LCA5: variants seen among roughly 807,000 people sequenced by gnomAD.
LCA5 encodes lebercilin LCA5, also known as lebercilin.
In LCA5, 37 loss-of-function variants were observed where a neutral mutation model predicts 53.0. The ratio of observed to expected loss-of-function variants is 0.70; its 90% confidence interval spans 0.54 to 0.92. The LOEUF is 0.92. Ranked by LOEUF, LCA5 falls within the 40% of genes least tolerant of loss-of-function variation. The pLI is 0.00. For synonymous variants in LCA5, 303 were observed against 282.9 expected, an observed-to-expected ratio of 1.07 and a Z score of -0.71; for missense variants, 806 against 790.5, an observed-to-expected ratio of 1.02 and a Z score of -0.23.
intron 3 of LCA5, among the ~76,000 whole-genome samples, chr6:79,507,913 T>G (rs1245965465): frequency 6.6e-6 from 1 of 152,172 alleles, no homozygotes; most frequent in Non-Finnish European, 1.5e-5. Flanking sequence ...TCAGTAAACC[T>G]TATGTCTCAT....
intron 1 of LCA5, among the ~76,000 whole-genome samples, chr6:79,526,959 C>T (rs1766809841): frequency 6.6e-6 from 1 of 152,160 alleles, no homozygotes; most frequent in Non-Finnish European, 1.5e-5. Flanking sequence ...ATATCCTCCA[C>T]CCTGTCACCC....
At chr6:79,512,275 A>AT in intron 3 of LCA5, among the ~76,000 whole-genome samples, 1 of 152,180 alleles carries the variant, frequency 6.6e-6, no homozygotes, top group Non-Finnish European at 1.5e-5. Flanking sequence ...ACATAATAGG[A>AT]TATCTTCTGT....
rs762763284 is a variant in LCA5, at chr6:79,492,598, G to A, written c.908C>T (p.Pro303Leu). The A allele has an allele frequency of 9.5e-6, 15 of 1,570,746 alleles. No individual in the cohort carries two copies. The African/African-American group carries it at 1.9e-4, about 20-fold the overall frequency. Reference sequence around the variant, plus strand: ...TTTCTCTTTATTTGGAGAGGACTTTGGCAGACGATTAGAATATATATTTTT... The same window carrying A: ...TTTCTCTTTATTTGGAGAGGACTTTAGCAGACGATTAGAATATATATTTTT... Reference protein sequence around the residue: ...DIKNIYSNRLPKSSPNKEKEL... With the variant: ...DIKNIYSNRLLKSSPNKEKEL... The change falls in exon 5 of 8, where the codon CCA becomes CTA. Residue 303 changes from proline to leucine, a missense_variant. Pro to Leu is a moderately conservative substitution (Grantham distance 98, BLOSUM62 -3). Transcript: ENST00000369846.
intron 7 of LCA5, chr6:79,488,083 T>C: frequency 2.0e-6 from 1 of 508,454 alleles, no homozygotes; most frequent in Non-Finnish European, 3.4e-6. Flanking sequence ...TATAAAAAAA[T>C]TTGTTCTTTG....
chr6:79,533,778 T>C (rs970493328), intron 1 of LCA5, among the ~76,000 whole-genome samples: 4 of 151,830 alleles, frequency 2.6e-5, no homozygotes, highest in African/African-American at 9.7e-5. Context: ...CGTCTGACTC[T>C]AAGAAACCAT....
Position 79,485,264 on chromosome 6 carries a change from A to T in LCA5, c.*1740T>A, listed in dbSNP as rs529020171. The T allele has an allele frequency of 6.6e-6, 1 of 152,582 alleles. No homozygotes were observed. The highest frequency in any genetic ancestry group is 1.5e-5 in the Non-Finnish European group (1 of 67,984). The allele number at this position is 152,582 out of a possible 1,614,324, so 9.5% of individuals were successfully genotyped here. A position where few individuals can be genotyped will look rare whatever the true frequency, so the allele number is the denominator to read the frequency against. ...CTAATTTAAATGACGTGAATAAAAA[A>T]CTTAACTAAAAAGTTTTAAAAGCCT... On this transcript the variant is annotated 3_prime_UTR_variant, in exon 8 of 8. Transcript: ENST00000369846.
chr6:79,491,756 A>C, intron 5 of LCA5, 26 bp from the exon 6 acceptor site: 1 of 1,602,220 alleles, frequency 6.2e-7, no homozygotes, highest in Non-Finnish European at 8.5e-7. Flanking sequence ...TTTTTAAAAA[A>C]TTATTACAAT....
intron 1 of LCA5, among the ~76,000 whole-genome samples, chr6:79,529,609 A>C: frequency 6.6e-6 from 1 of 152,250 alleles, no homozygotes; most frequent in South Asian, 2.1e-4. Context: ...GGAAGATGGT[A>C]ACCCCGCAGA....
intron 1 of LCA5, among the ~76,000 whole-genome samples, chr6:79,535,423 A>G (rs1050141129): frequency 2.0e-5 from 3 of 152,226 alleles, no homozygotes; most frequent in Non-Finnish European, 2.9e-5. Flanking sequence ...TGAAAGTAGT[A>G]TAACTAGAGA....
At chr6:79,502,641 CAGA>C (rs1427330776) in intron 3 of LCA5, among the ~76,000 whole-genome samples, 4 of 152,024 alleles carry the variant, frequency 2.6e-5, no homozygotes, top group Non-Finnish European at 5.9e-5. Context: ...ATCATTTTAT[CAGA>C]AGATGCTGAT....
rs1769662658 is a variant in LCA5, at chr6:79,486,607, C to T, written c.*397G>A. 5.6e-6 allele frequency: 1 copy of T among 177,944 alleles called. No homozygotes were observed. The highest frequency in any genetic ancestry group is 1.3e-4 in the South Asian group (1 of 7,698). 11.0% of individuals were successfully genotyped at this position (177,944 alleles called of 1,614,324 possible). A position where few individuals can be genotyped will look rare whatever the true frequency, so the allele number is the denominator to read the frequency against. On this transcript the variant is annotated 3_prime_UTR_variant, in exon 8 of 8. Transcript: ENST00000369846. ...CTACACTTCCCAACACAGACTTTCACCCTTAATTTTCATTCAACAATTAGT... is the reference window on the plus strand; with the variant it reads ...CTACACTTCCCAACACAGACTTTCATCCTTAATTTTCATTCAACAATTAGT...
At chr6:79,502,872 TTTTTG>T (rs945949889) in intron 3 of LCA5, among the ~76,000 whole-genome samples, 28 of 152,072 alleles carry the variant, frequency 1.8e-4, no homozygotes, top group African/African-American at 5.5e-4. Context: ...ATATGATTCT[TTTTTG>T]TTTTGTTTTG....
chr6:79,515,453 T>A (rs1766399361), intron 2 of LCA5, among the ~76,000 whole-genome samples: 1 of 152,162 alleles, frequency 6.6e-6, no homozygotes. Flanking sequence ...GAATACATTT[T>A]AAATCACAAC....
chr6:79,508,971 TG>T (rs1228205887), intron 3 of LCA5, among the ~76,000 whole-genome samples: 6 of 152,146 alleles, frequency 3.9e-5, no homozygotes, highest in Admixed American at 2.0e-4. Context: ...GATTGACTGA[TG>T]AGATCATGAA....
chr6:79,505,757 G>A (rs561749927), intron 3 of LCA5, among the ~76,000 whole-genome samples: 67 of 152,168 alleles, frequency 4.4e-4, no homozygotes, highest in Admixed American at 4.2e-3. Context: ...AGGGTGAAAG[G>A]GCAGAAAAAC....
chr6:79,512,069 TTC>T (rs1362060159), intron 3 of LCA5, among the ~76,000 whole-genome samples: 1 of 152,180 alleles, frequency 6.6e-6, no homozygotes, highest in Non-Finnish European at 1.5e-5. Context: ...TTAATTAGCA[TTC>T]TGTGCGCTTC....
chr6:79,513,595 T>C lies in LCA5; in HGVS notation c.337A>G (p.Asn113Asp). 2 of 1,613,988 alleles carry C rather than the reference T, an allele frequency of 1.2e-6. No homozygotes were observed. Among genetic ancestry groups the C allele is most frequent in the Non-Finnish European group, 1.7e-6 (2 of 1,179,900 alleles). Residue 113 changes from asparagine (N) to aspartate (D), a missense_variant, in exon 3 of 8, where the codon AAT becomes GAT. Coordinates refer to ENST00000369846, the MANE Select transcript of LCA5 (RefSeq NM_001122769.3). ...RILSARLLKI[N>D]ELQNEVSELQ... ...TCAGATACTTCATTCTGCAACTCAT[T>C]GATTTTTAGCAGTCTTGCAGACAGA... is the stretch of plus-strand genomic sequence containing the variant.
intron 3 of LCA5, among the ~76,000 whole-genome samples, chr6:79,495,380 G>C (rs1301842235): frequency 6.6e-6 from 1 of 152,136 alleles, no homozygotes; most frequent in Non-Finnish European, 1.5e-5. Flanking sequence ...GTCTGTAGGG[G>C]ATTGGTTCCA....
Position 79,486,626 on chromosome 6 carries a change from A to T in LCA5, c.*378T>A, listed in dbSNP as rs1769663552. Reference sequence around the variant, plus strand: ...CTTTCACCCTTAATTTTCATTCAACAATTAGTGGGAAGACTGTATTTAGCA... The same window carrying T: ...CTTTCACCCTTAATTTTCATTCAACTATTAGTGGGAAGACTGTATTTAGCA... On this transcript the variant is annotated 3_prime_UTR_variant, in exon 8 of 8. Coordinates refer to ENST00000369846, the MANE Select transcript of LCA5 (RefSeq NM_001122769.3). 1 of 177,076 alleles carries T rather than the reference A, an allele frequency of 5.6e-6. No individual in the cohort carries two copies. The highest frequency in any genetic ancestry group is 2.4e-5 in the African/African-American group (1 of 41,618). 11.0% of individuals were successfully genotyped at this position (177,076 alleles called of 1,614,324 possible). A position where few individuals can be genotyped will look rare whatever the true frequency, so the allele number is the denominator to read the frequency against.
Sources: gnomAD v4.1 joint callset for allele counts (sites outside exome capture counted in the v4.1 genomes callset) on GRCh38, gnomAD v4.1.1 for gene constraint, MANE v1.5 for transcripts, NCBI Gene and HGNC (gene_info 2026-07-23, HGNC 2026-07-21) for gene names.